Variants in KIF1B observed in about 807,000 individuals in gnomAD.
KIF1B encodes kinesin family member 1B, also known as kinesin-like protein KIF1B.
In KIF1B, 76 loss-of-function variants were observed where a neutral mutation model predicts 241.9. That is an observed-to-expected ratio of 0.31 (90% confidence interval 0.26 to 0.38). KIF1B has a LOEUF of 0.38. Ranked by LOEUF, KIF1B falls within the 10% of genes least tolerant of loss-of-function variation. KIF1B has a pLI of 1.00. For missense variants in KIF1B, 1,622 were observed against 2,271.4 expected, an observed-to-expected ratio of 0.71 and a Z score of 5.81; for synonymous variants, 750 against 796.7, an observed-to-expected ratio of 0.94 and a Z score of 0.99.
rs137973651 is a variant in KIF1B, at chr1:10,284,093, G to T, written c.1434+1560G>T. Among the ~76,000 whole-genome samples, 229 of 152,304 alleles carry T rather than the reference G, an allele frequency of 1.5e-3. 2 individuals are homozygous for T. The highest frequency in any genetic ancestry group is 5.2e-3 in the African/African-American group (216 of 41,558). ...TACTTACTTCAAAAGTACAGTGTGG[G>T]CCGGGCATGGTGGCTCACACCTGTA... On this transcript the variant is annotated intron_variant, in intron 15 of 48. Coordinates refer to ENST00000676179, the MANE Select transcript of KIF1B (RefSeq NM_001365951.3).
intron 1 of KIF1B, among the ~76,000 whole-genome samples, chr1:10,226,156 T>C (rs758514082): frequency 6.6e-6 from 1 of 152,148 alleles, no homozygotes; most frequent in Non-Finnish European, 1.5e-5. Flanking sequence ...TTTATAGATA[T>C]AAGCTGATTA....
chr1:10,295,034 C>A, intron 17 of KIF1B, 52 bp from the exon 18 acceptor site: 1 of 1,194,104 alleles, frequency 8.4e-7, no homozygotes, highest in Non-Finnish European at 1.3e-6. Flanking sequence ...GTTGTTACCA[C>A]AGCTCTCTCA....
intron 22 of KIF1B, among the ~76,000 whole-genome samples, chr1:10,300,692 A>G (rs965028366): frequency 2.0e-5 from 3 of 152,192 alleles, no homozygotes. Context: ...TAATTTGTTT[A>G]TGTTCTGTAA....
intron 15 of KIF1B, among the ~76,000 whole-genome samples, chr1:10,283,334 T>G (rs529830722): frequency 6.6e-6 from 1 of 152,242 alleles, no homozygotes; most frequent in Non-Finnish European, 1.5e-5. Context: ...CTATGATTAC[T>G]GTACAGGAAG....
intron 22 of KIF1B, among the ~76,000 whole-genome samples, chr1:10,300,079 ATAC>A (rs1337232132): frequency 1.3e-5 from 2 of 151,858 alleles, no homozygotes; most frequent in Admixed American, 1.3e-4. Context: ...TCTACTGAAA[ATAC>A]AAAAATTAGC....
chr1:10,374,267 T>A lies in KIF1B; in HGVS notation c.4947-49T>A. ...AACAGTACTCAGTATGCCTTGATTG[T>A]AACTGATTCTCTTGTTACCCTTTTC... On this transcript the variant is annotated intron_variant, in intron 45 of 48. Coordinates refer to ENST00000676179, the MANE Select transcript of KIF1B (RefSeq NM_001365951.3). This position sits in a 1 kb window ranked among gnomAD's most constrained non-coding sequence, Gnocchi z 4.3. 1 of 1,588,734 alleles carries A rather than the reference T, an allele frequency of 6.3e-7. No homozygotes were observed. Among genetic ancestry groups the A allele is most frequent in the Non-Finnish European group, 8.6e-7 (1 of 1,156,986 alleles).
intron 22 of KIF1B, among the ~76,000 whole-genome samples, chr1:10,302,394 A>G (rs1339991451): frequency 6.6e-6 from 1 of 152,210 alleles, no homozygotes; most frequent in African/African-American, 2.4e-5. Flanking sequence ...AAAAATAGCA[A>G]ATCCTCTGCT....
chr1:10,361,871 A>C, intron 40 of KIF1B, 46 bp downstream of exon 40: 9 of 1,604,608 alleles, frequency 5.6e-6, no homozygotes, highest in Non-Finnish European at 7.7e-6. Flanking sequence ...TGTTCAGTAC[A>C]ACAGAATCAT....
chr1:10,332,500 C>CT (rs1557719332), intron 27 of KIF1B, among the ~76,000 whole-genome samples: 7 of 97,838 alleles, frequency 7.2e-5, no homozygotes, highest in East Asian at 6.4e-4. Flanking sequence ...AGATAATAGT[C>CT]ATTTTTTTTT....
At position 10,343,615 on chromosome 1, in the gene KIF1B, G is replaced by A. The variant is rs186193729; in HGVS notation, c.3688+328G>A. ...CTCTACTAAAAATAGAAAATTAGCCGGGCATGGTGGCACACGCCTGTAATC... is the reference window on the plus strand; with the variant it reads ...CTCTACTAAAAATAGAAAATTAGCCAGGCATGGTGGCACACGCCTGTAATC... On this transcript the variant is annotated intron_variant, in intron 34 of 48. Coordinates refer to ENST00000676179, the MANE Select transcript of KIF1B (RefSeq NM_001365951.3). Among the ~76,000 whole-genome samples, 1,036 of 152,136 alleles carry A rather than the reference G, an allele frequency of 6.8e-3. 3 individuals carry two copies. The highest frequency in any genetic ancestry group is 0.011 in the Non-Finnish European group (758 of 67,990).
chr1:10,376,564 T>C lies in KIF1B; in HGVS notation c.5428T>C (p.Cys1810Arg). 1 of 1,613,936 alleles carries C rather than the reference T, an allele frequency of 6.2e-7. No homozygotes were observed. Among genetic ancestry groups the C allele is most frequent in the Non-Finnish European group, 8.5e-7 (1 of 1,179,874 alleles). Residue 1810 changes from cysteine to arginine, a missense_variant, in exon 49 of 49, where the codon TGC (cysteine) becomes CGC (arginine). Coordinates refer to ENST00000676179, the MANE Select transcript of KIF1B (RefSeq NM_001365951.3). ...GTIRSKLSRR[C>R]PSQSKY is the part of the protein sequence containing the mutation. ...CCATAGGTCAAAGCTTTCCCGCAGA[T>C]GCCCGAGCCAGTCGAAATACTAAGT...
chr1:10,225,097 G>A (rs1022480593), intron 1 of KIF1B, among the ~76,000 whole-genome samples: 4 of 152,120 alleles, frequency 2.6e-5, no homozygotes, highest in African/African-American at 4.8e-5. Flanking sequence ...CTTGCCCACC[G>A]CTCACCTCCT....
intron 14 of KIF1B, 131 bp from the exon 15 acceptor site, chr1:10,282,191 A>G: frequency 1.4e-6 from 1 of 689,904 alleles, no homozygotes; most frequent in Non-Finnish European, 2.5e-6. Context: ...TGTTTGTATT[A>G]TAGCGTGTCT....
intron 15 of KIF1B, among the ~76,000 whole-genome samples, chr1:10,289,034 A>G (rs1649855730): frequency 6.6e-6 from 1 of 152,218 alleles, no homozygotes; most frequent in African/African-American, 2.4e-5. Flanking sequence ...GTGTTTGATG[A>G]ACTATAACAC....
chr1:10,251,345 T>C (rs1167635276), intron 2 of KIF1B, among the ~76,000 whole-genome samples: 2 of 147,540 alleles, frequency 1.4e-5, no homozygotes, highest in African/African-American at 4.9e-5. Context: ...TTTTTTTTTT[T>C]TACTAAGGAA....
At chr1:10,341,151 T>C (rs1652377737) in intron 32 of KIF1B, among the ~76,000 whole-genome samples, 1 of 152,226 alleles carries the variant, frequency 6.6e-6, no homozygotes, top group African/African-American at 2.4e-5. Context: ...ATAAAATGCA[T>C]ACATAAACAC....
Position 10,295,316 on chromosome 1 carries a change from T to C in KIF1B, c.1670+151T>C, listed in dbSNP as rs908528387. ...CAAACTATGCTCTCTTTCCAAATAATGTGTTTTTGCCACTGGAGCCAGTTA... is the reference window on the plus strand; with the variant it reads ...CAAACTATGCTCTCTTTCCAAATAACGTGTTTTTGCCACTGGAGCCAGTTA... On this transcript the variant is annotated intron_variant, in intron 18 of 48. Coordinates refer to ENST00000676179, the MANE Select transcript of KIF1B (RefSeq NM_001365951.3). 5.8e-5 allele frequency: 39 copies of C among 677,348 alleles called. No homozygotes were observed. The African/African-American group carries it at 6.8e-4, about 12-fold the overall frequency. The allele number at this position is 677,348 out of a possible 1,614,324, so 42.0% of individuals were successfully genotyped here.
intron 22 of KIF1B, among the ~76,000 whole-genome samples, chr1:10,309,645 C>T (rs1465687451): frequency 6.6e-6 from 1 of 151,512 alleles, no homozygotes; most frequent in South Asian, 2.1e-4. Context: ...CTTAATTGTA[C>T]CACCATCATC....
chr1:10,319,599 C>T (rs2102293595), intron 22 of KIF1B, among the ~76,000 whole-genome samples: 1 of 152,048 alleles, frequency 6.6e-6, no homozygotes, highest in African/African-American at 2.4e-5. Context: ...TTTTTCCTTC[C>T]AAAGAGTTAG....
Sources: gnomAD v4.1 joint callset for allele counts (sites outside exome capture counted in the v4.1 genomes callset) on GRCh38, gnomAD v4.1.1 for gene constraint, Gnocchi (gnomAD v3.1) non-coding constraint, MANE v1.5 for transcripts, NCBI Gene and HGNC (gene_info 2026-07-23, HGNC 2026-07-21) for gene names.